The following PKHD1 variants were observed in gnomAD, a reference collection of about 807,000 sequenced individuals.
PKHD1 encodes the protein fibrocystin.
PKHD1 carries 291 observed loss-of-function variants against 412.0 expected under a neutral mutation model. The observed-to-expected ratio is 0.71, with a 90% CI of 0.64 to 0.78. The LOEUF (loss-of-function observed/expected upper bound fraction) is 0.78, where lower values mean the gene tolerates loss of function less well. Ranked by LOEUF, PKHD1 falls within the 30% of genes least tolerant of loss-of-function variation. The pLI is 0.00. For missense variants in PKHD1, 4,825 were observed against 4,950.7 expected (o/e 0.97, Z 0.76); for synonymous variants, 1,777 against 1,821.5 (o/e 0.98, Z 0.62).
At chr6:51,938,592 C>T (rs7771607) in intron 36 of PKHD1, among the ~76,000 whole-genome samples, 52,264 of 149,422 alleles carry the variant, frequency 0.35, 10,754 homozygotes, top group East Asian at 0.76. Flanking sequence ...CACTGACTCT[C>T]TTTTCGGACT....
chr6:52,054,857 A>C (rs1436147212), intron 19 of PKHD1, among the ~76,000 whole-genome samples: 1 of 152,188 alleles, frequency 6.6e-6, no homozygotes, highest in East Asian at 1.9e-4. Flanking sequence ...GATGAGGCTG[A>C]AGAAGGGAGG....
At chr6:51,650,521 C>T (rs1184984689) in intron 61 of PKHD1, among the ~76,000 whole-genome samples, 1 of 152,078 alleles carries the variant, frequency 6.6e-6, no homozygotes, top group African/African-American at 2.4e-5. Flanking sequence ...TATTTCCTAA[C>T]CACCTCCCCT....
chr6:51,989,898 AGGGAG>A (rs1796690745), intron 35 of PKHD1, among the ~76,000 whole-genome samples: 8 of 16,092 alleles, frequency 5.0e-4, no homozygotes, highest in South Asian at 3.0e-3. Flanking sequence ...GGAAGGAAGG[AGGGAG>A]GAAGGAAGGA....
intron 35 of PKHD1, among the ~76,000 whole-genome samples, chr6:51,961,704 A>C (rs952867504): frequency 2.0e-5 from 3 of 152,258 alleles, no homozygotes; most frequent in African/African-American, 7.2e-5. Context: ...AAGGTGGGAA[A>C]AACAGAGATG....
At chr6:51,774,176 C>A (rs747073594) in intron 54 of PKHD1, among the ~76,000 whole-genome samples, 11 of 151,622 alleles carry the variant, frequency 7.3e-5, no homozygotes, top group Non-Finnish European at 1.3e-4. Flanking sequence ...TTGGTCATTT[C>A]CAATCATCAA....
At chr6:52,069,433 G>T in intron 11 of PKHD1, 24 bp downstream of exon 11, 3 of 1,553,506 alleles carry the variant, frequency 1.9e-6, no homozygotes, top group Non-Finnish European at 2.7e-6. Context: ...AAGGGAAGGG[G>T]TACTTGGTGA....
intron 52 of PKHD1, among the ~76,000 whole-genome samples, chr6:51,809,910 G>T (rs1198974580): frequency 6.7e-6 from 1 of 148,234 alleles, no homozygotes; most frequent in South Asian, 2.1e-4. Flanking sequence ...TTGTTTTCCT[G>T]CTTCTTTCAA....
chr6:51,860,134 G>C lies in PKHD1; in HGVS notation c.7734-4064C>G, dbSNP rs548815546. ...CTTTCTGTAGTGCAATACAGGTAGA[G>C]AAGGAGGTTATCATATATACTACAC... On this transcript the variant is annotated intron_variant, in intron 48 of 66. Coordinates refer to ENST00000371117, the MANE Select transcript of PKHD1 (RefSeq NM_138694.4). Among the ~76,000 whole-genome samples the C allele has an allele frequency of 1.6e-4, 24 of 152,314 alleles. No individual in the cohort carries two copies. The South Asian group carries it at 4.8e-3, about 30-fold the overall frequency.
At chr6:51,776,064 T>C (rs1044965851) in intron 53 of PKHD1, 143 bp from the exon 54 acceptor site, 53 of 596,368 alleles carry the variant, frequency 8.9e-5, no homozygotes, top group Non-Finnish European at 1.5e-4. Context: ...GCAGATGAAA[T>C]AAGAGTAGGA....
intron 53 of PKHD1, among the ~76,000 whole-genome samples, chr6:51,787,331 C>T (rs769368409): frequency 2.0e-4 from 29 of 144,150 alleles, no homozygotes; most frequent in Non-Finnish European, 3.6e-4. Flanking sequence ...TGCACTCCAG[C>T]CTGGGCAATA....
At chr6:52,007,535 T>A (rs1293813862) in intron 35 of PKHD1, among the ~76,000 whole-genome samples, 1 of 152,180 alleles carries the variant, frequency 6.6e-6, no homozygotes, top group Non-Finnish European at 1.5e-5. Context: ...CACATATGTA[T>A]GACAAGTTGT....
chr6:51,863,212 T>C (rs1022580865), intron 48 of PKHD1, among the ~76,000 whole-genome samples: 1 of 151,934 alleles, frequency 6.6e-6, no homozygotes, highest in African/African-American at 2.4e-5. Flanking sequence ...TAATTACTTC[T>C]CTATTCTTCA....
chr6:51,910,741 T>TC lies in PKHD1; in HGVS notation c.6490+1057_6490+1058insG, dbSNP rs1434971959. Among the ~76,000 whole-genome samples the TC allele has an allele frequency of 1.9e-3, 294 of 152,254 alleles. 1 individual carries two copies. Among genetic ancestry groups the TC allele is most frequent in the African/African-American group, 6.7e-3 (278 of 41,568 alleles). ...GTAGATCCCAATTCTGCAGAATTGA[T>TC]AAAGTTGGGCAGTTGATGGAAGTGA... On this transcript the variant is annotated intron_variant, in intron 39 of 66. Coordinates refer to ENST00000371117, the MANE Select transcript of PKHD1 (RefSeq NM_138694.4).
In PKHD1 at chr6:51,748,309, C is replaced by G. The variant is rs202212207; in HGVS notation, c.9307G>C (p.Gly3103Arg). Reference sequence around the variant, plus strand: ...CACTTGTGGCCTCGGATGTGAAAGCCAAGTCTCTCTGATCCTGCCACAACG... The same window carrying G: ...CACTTGTGGCCTCGGATGTGAAAGCGAAGTCTCTCTGATCCTGCCACAACG... Reference protein sequence around the residue: ...GNVVAGSERLGFHIRGHKCSS... With the variant: ...GNVVAGSERLRFHIRGHKCSS... The change falls in exon 58 of 67, where the codon GGC (glycine) becomes CGC (arginine). Residue 3103 changes from glycine (G) to arginine (R), a missense_variant. Transcript: ENST00000371117. 6.2e-7 allele frequency: 1 copy of G among 1,614,050 alleles called. No individual in the cohort carries two copies. The highest frequency in any genetic ancestry group is 2.2e-5 in the East Asian group (1 of 44,884).
chr6:51,808,764 A>G (rs763160859), intron 52 of PKHD1, among the ~76,000 whole-genome samples: 10 of 152,062 alleles, frequency 6.6e-5, no homozygotes, highest in Non-Finnish European at 1.2e-4. Context: ...TATTTATGGA[A>G]TGTGGATCTA....
At chr6:52,066,872 C>T (rs1190675365) in intron 11 of PKHD1, among the ~76,000 whole-genome samples, 1 of 152,050 alleles carries the variant, frequency 6.6e-6, no homozygotes. Flanking sequence ...TGCACTCCAG[C>T]CTGCGTGACA....
intron 43 of PKHD1, among the ~76,000 whole-genome samples, chr6:51,897,372 GA>G (rs1239095484): frequency 2.0e-5 from 3 of 152,110 alleles, no homozygotes; most frequent in Non-Finnish European, 2.9e-5. Context: ...CATTCTTAAA[GA>G]AAAGAATTTT....
At chr6:51,787,822 G>A (rs1289862289) in intron 53 of PKHD1, among the ~76,000 whole-genome samples, 2 of 152,178 alleles carry the variant, frequency 1.3e-5, no homozygotes, top group African/African-American at 2.4e-5. Flanking sequence ...TTATAGTAAT[G>A]AGTGACCTTA....
At chr6:51,774,152 G>A (rs1047560274) in intron 54 of PKHD1, among the ~76,000 whole-genome samples, 3 of 151,888 alleles carry the variant, frequency 2.0e-5, no homozygotes, top group African/African-American at 7.2e-5. Context: ...CAATTGACCA[G>A]AAAAGCAGAT....
Sources: gnomAD v4.1 joint callset for allele counts (sites outside exome capture counted in the v4.1 genomes callset) on GRCh38, gnomAD v4.1.1 for gene constraint, MANE v1.5 for transcripts, NCBI Gene and HGNC (gene_info 2026-07-23, HGNC 2026-07-21) for gene names.